The following STON2 variants were observed in gnomAD, a reference collection of about 807,000 sequenced individuals.
STON2 encodes the protein stonin 2.
In STON2, 29 loss-of-function variants were observed where a neutral mutation model predicts 65.7. That is an observed-to-expected ratio of 0.44 (90% CI 0.33 to 0.60). The LOEUF is 0.60. STON2 is among the 20% of genes least tolerant of loss of function. The pLI, the probability that STON2 is intolerant of heterozygous loss-of-function variation, is 0.03. For synonymous variants in STON2, 404 were observed against 414.2 expected (o/e 0.98, Z 0.30); for missense variants, 1,054 against 1,118.1 (o/e 0.94, Z 0.82).
In STON2 at chr14:81,268,152, C is replaced by T. The variant is rs779415992; in HGVS notation, c.*262G>A. The T allele has an allele frequency of 2.3e-5, 25 of 1,094,874 alleles. No individual in the cohort carries two copies. The highest frequency in any genetic ancestry group is 2.1e-5 in the Non-Finnish European group (19 of 894,572). The allele number at this position is 1,094,874 out of a possible 1,614,324, so 67.8% of individuals were successfully genotyped here. ...GACAAGACAAGGAGGCTTAATTATA[C>T]AGTAAGCTCCAACAGTCAGGTGAAC... On this transcript the variant is annotated 3_prime_UTR_variant, in exon 8 of 8. Coordinates refer to ENST00000614646, the MANE Select transcript of STON2 (RefSeq NM_001394390.1).
intron 3 of STON2, among the ~76,000 whole-genome samples, chr14:81,372,470 G>A (rs950834916): frequency 6.0e-5 from 9 of 151,212 alleles, no homozygotes; most frequent in Admixed American, 2.0e-4. Context: ...CACAAGAACC[G>A]CTTGAACCCA....
chr14:81,290,885 T>C (rs1895529365), intron 5 of STON2, among the ~76,000 whole-genome samples: 1 of 152,154 alleles, frequency 6.6e-6, no homozygotes. Flanking sequence ...TTTATAAAAG[T>C]GTAAACACAT....
intron 4 of STON2, among the ~76,000 whole-genome samples, chr14:81,348,182 C>A (rs1242394551): frequency 6.6e-6 from 1 of 152,058 alleles, no homozygotes; most frequent in African/African-American, 2.4e-5. Context: ...AAGCAGAAAG[C>A]CTTTCCTCTC....
rs1055131674 is a variant in STON2 at position 81,266,209 on chromosome 14, G to A, written c.*2205C>T. On this transcript the variant is annotated 3_prime_UTR_variant, in exon 8 of 8. Coordinates refer to ENST00000614646, the MANE Select transcript of STON2 (RefSeq NM_001394390.1). ...ATTCCCTTTCACAGCACGTGGGATA[G>A]GTGGTTATTTTAACTGTTGGGCATT... is the stretch of plus-strand genomic sequence containing the variant. The A allele has an allele frequency of 1.2e-5, 7 of 608,654 alleles. No individual in the cohort carries two copies. Among genetic ancestry groups the A allele is most frequent in the Non-Finnish European group, 1.4e-5 (7 of 486,210 alleles). The allele number at this position is 608,654 out of a possible 1,614,324, so 37.7% of individuals were successfully genotyped here. A position where few individuals can be genotyped will look rare whatever the true frequency, so the allele number is the denominator to read the frequency against.
At chr14:81,377,423 C>T (rs1006836735) in intron 3 of STON2, among the ~76,000 whole-genome samples, 1 of 152,194 alleles carries the variant, frequency 6.6e-6, no homozygotes, top group Non-Finnish European at 1.5e-5. Flanking sequence ...CATCAAAGGA[C>T]ATCTAGGCTG....
chr14:81,338,662 A>G (rs1897470995), intron 4 of STON2, among the ~76,000 whole-genome samples: 1 of 152,198 alleles, frequency 6.6e-6, no homozygotes, highest in Admixed American at 6.5e-5. Flanking sequence ...CTGTGGACTG[A>G]GTCCTCAGCC....
intron 3 of STON2, among the ~76,000 whole-genome samples, chr14:81,381,133 A>G (rs912980335): frequency 3.3e-5 from 5 of 152,206 alleles, no homozygotes; most frequent in African/African-American, 2.4e-5. Context: ...GAAAAACTGG[A>G]TATCTACATG....
At chr14:81,347,945 C>T (rs1357851749) in intron 4 of STON2, among the ~76,000 whole-genome samples, 2 of 145,654 alleles carry the variant, frequency 1.4e-5, no homozygotes, top group Non-Finnish European at 3.0e-5. Flanking sequence ...TAGGAGTAAT[C>T]CCAGGGATTC....
chr14:81,411,082 G>A (rs930594842), intron 2 of STON2, among the ~76,000 whole-genome samples: 4 of 152,152 alleles, frequency 2.6e-5, no homozygotes, highest in African/African-American at 9.7e-5. Flanking sequence ...AGAGACATGG[G>A]GCAAGGCTGG....
Position 81,277,647 on chromosome 14 carries a change from A to G in STON2, c.1835T>C (p.Leu612Ser). ...VQDRLMDLPV[L>S]SMDLSTVGLN... is the part of the protein sequence containing the mutation. Reference sequence around the variant, plus strand: ...GCCAACTGTGCTCAAGTCCATTGACAACACTGGCAGATCCATGAGACGGTC... The same window carrying G: ...GCCAACTGTGCTCAAGTCCATTGACGACACTGGCAGATCCATGAGACGGTC... Residue 612 changes from leucine to serine, a missense_variant, in exon 6 of 8, where the codon TTG (leucine) becomes TCG (serine). Coordinates refer to ENST00000614646, the MANE Select transcript of STON2 (RefSeq NM_001394390.1). 1 of 1,614,186 alleles carries G rather than the reference A, an allele frequency of 6.2e-7. No individual in the cohort carries two copies. Among genetic ancestry groups the G allele is most frequent in the Non-Finnish European group, 8.5e-7 (1 of 1,180,026 alleles).
chr14:81,346,434 T>C (rs928596904), intron 4 of STON2, among the ~76,000 whole-genome samples: 1 of 152,102 alleles, frequency 6.6e-6, no homozygotes, highest in African/African-American at 2.4e-5. Context: ...GGATGTATGA[T>C]CTAAAACTCA....
intron 2 of STON2, 65 bp downstream of exon 2, chr14:81,398,230 G>A: frequency 8.8e-7 from 1 of 1,137,252 alleles, no homozygotes; most frequent in Non-Finnish European, 1.3e-6. Flanking sequence ...TCAAGTAGAA[G>A]CCATAACAAA....
At chr14:81,362,581 A>ATATACAG (rs958703843) in intron 4 of STON2, among the ~76,000 whole-genome samples, 1 of 152,208 alleles carries the variant, frequency 6.6e-6, no homozygotes, top group African/African-American at 2.4e-5. Flanking sequence ...ACATGGTGTG[A>ATATACAG]TGAATACAGT....
At chr14:81,381,801 A>C (rs1021230860) in intron 3 of STON2, among the ~76,000 whole-genome samples, 2 of 152,210 alleles carry the variant, frequency 1.3e-5, no homozygotes, top group Admixed American at 6.5e-5. Context: ...ATCCTAAAGC[A>C]CAGCAATTCC....
At chr14:81,399,557 G>A (rs1360857889) in intron 1 of STON2, among the ~76,000 whole-genome samples, 6 of 152,092 alleles carry the variant, frequency 3.9e-5, no homozygotes, top group Admixed American at 2.6e-4. Flanking sequence ...TGGGAAAATC[G>A]GTAAAAACAT....
At chr14:81,330,329 C>A (rs1158671475) in intron 4 of STON2, among the ~76,000 whole-genome samples, 1 of 152,182 alleles carries the variant, frequency 6.6e-6, no homozygotes, top group African/African-American at 2.4e-5. Context: ...TGGCCACTCA[C>A]AAGCCCTCCC....
chr14:81,263,947 C>T lies in STON2; in HGVS notation c.*4467G>A, dbSNP rs371991868. The T allele has an allele frequency of 1.0e-6, 1 of 985,422 alleles. No homozygotes were observed. 61.0% of individuals were successfully genotyped at this position (985,422 alleles called of 1,614,324 possible). On this transcript the variant is annotated 3_prime_UTR_variant, in exon 8 of 8. Transcript: ENST00000614646. Reference sequence around the variant, plus strand: ...CAAATTTTGACCTTACTATCTCAGACCTCCATCTTACTGTGGTGACAAAAT... The same window carrying T: ...CAAATTTTGACCTTACTATCTCAGATCTCCATCTTACTGTGGTGACAAAAT...
At chr14:81,386,846 T>A (rs1434460890) in intron 3 of STON2, among the ~76,000 whole-genome samples, 2 of 152,146 alleles carry the variant, frequency 1.3e-5, no homozygotes, top group African/African-American at 2.4e-5. Flanking sequence ...TCTGCAGGCA[T>A]TTGCAGACAT....
chr14:81,319,170 T>C (rs1455827838), intron 5 of STON2, among the ~76,000 whole-genome samples: 1 of 152,240 alleles, frequency 6.6e-6, no homozygotes, highest in African/African-American at 2.4e-5. Flanking sequence ...CATTGTTGTA[T>C]AAAACAGATT....
Sources: allele counts gnomAD v4.1 joint callset (sites outside exome capture counted in the v4.1 genomes callset), GRCh38; gene constraint gnomAD v4.1.1; transcripts MANE v1.5; gene names NCBI Gene and HGNC (gene_info 2026-07-23, HGNC 2026-07-21).